The following DDX23 variants were observed in gnomAD, a reference collection of about 807,000 sequenced individuals.
DDX23 encodes probable ATP-dependent RNA helicase DDX23.
Under a neutral mutation model 102.7 loss-of-function variants are expected in DDX23, and 33 were observed. The ratio of observed to expected loss-of-function variants is 0.32; its 90% CI spans 0.24 to 0.43. DDX23 has a LOEUF of 0.43. Among genes scored for constraint, DDX23 ranks in the 20% least tolerant of loss-of-function variants. DDX23 has a pLI of 1.00. For missense variants in DDX23, 549 were observed against 1,086.6 expected, an observed-to-expected ratio of 0.51 and a Z score of 6.96; for synonymous variants, 352 against 376.0, an observed-to-expected ratio of 0.94 and a Z score of 0.74.
chr12:48,832,213 T>G lies in DDX23; in HGVS notation c.1956-27A>C. 1.2e-6 allele frequency: 2 copies of G among 1,611,076 alleles called. No individual in the cohort carries two copies. Among genetic ancestry groups the G allele is most frequent in the East Asian group, 2.2e-5 (1 of 44,862 alleles). On this transcript the variant is annotated intron_variant, in intron 14 of 16. Transcript: ENST00000308025. The surrounding 1 kb of genome is among the most constrained non-coding windows in gnomAD (Gnocchi z 4.4). ...TGGAAGGAAGAGGAGAAAAACAAGA[T>G]GCATAATACCTCCCACTCCAAGTGA...
chr12:48,844,001 T>C lies in DDX23; in HGVS notation c.259A>G (p.Lys87Glu). Residue 87 changes from lysine to glutamate, a missense_variant, in exon 3 of 17, where the codon AAG (lysine) becomes GAG (glutamate). This residue lies in a region of DDX23 where 241 missense variants were observed against 267.0 expected (regional missense o/e 0.90). Coordinates refer to ENST00000308025, the MANE Select transcript of DDX23 (RefSeq NM_004818.3). ...TCCTTGTCTCGATCTCGGTCCTTCT[T>C]ATTCCGATCCCGCTCCTTATCTCGT... The part of the protein sequence containing the change: ...RERDKERDRN[K>E]KDRDRDKDGH... 1 of 1,614,146 alleles carries C rather than the reference T, an allele frequency of 6.2e-7. No individual in the cohort carries two copies. The highest frequency in any genetic ancestry group is 8.5e-7 in the Non-Finnish European group (1 of 1,180,020).
rs375413325 is a variant in DDX23, at chr12:48,830,604, G to A, written c.2328C>T (p.Phe776=). The change falls in exon 17 of 17, where the codon TTC becomes TTT. Residue 776 remains phenylalanine, a synonymous_variant. Coordinates refer to ENST00000308025, the MANE Select transcript of DDX23 (RefSeq NM_004818.3). This position sits in a 1 kb window ranked among gnomAD's most constrained non-coding sequence, Gnocchi z 4.9. The part of the protein sequence containing the change: ...TFLTKEDSAV[F]YELKQAILES... ...CCAGGATAGCTTGCTTCAGCTCGTAGAACACAGCAGAGTCCTCTTTTGTGA... is the reference window on the plus strand; with the variant it reads ...CCAGGATAGCTTGCTTCAGCTCGTAAAACACAGCAGAGTCCTCTTTTGTGA... 41 of 1,614,038 alleles carry A rather than the reference G, an allele frequency of 2.5e-5. No individual in the cohort carries two copies. The highest frequency in any genetic ancestry group is 4.2e-6 in the Non-Finnish European group (5 of 1,180,030).
Position 48,837,540 on chromosome 12 carries a change from T to C in DDX23, c.737A>G (p.Glu246Gly). ...GGCCTGCACCTTAATGGCATGCAGT[T>C]CCTTGCTCTTATCCTTCTCTTCCCG... ...KIREEKDKSK[E>G]LHAIKERYLG... Residue 246 changes from glutamate to glycine, a missense_variant, in exon 7 of 17, where the codon GAA becomes GGA. Glu to Gly is a moderately conservative substitution (Grantham distance 98, BLOSUM62 -2). Transcript: ENST00000308025. 6.2e-7 allele frequency: 1 copy of C among 1,614,190 alleles called. No individual in the cohort carries two copies. The highest frequency in any genetic ancestry group is 1.3e-5 in the African/African-American group (1 of 75,052).
At chr12:48,835,264 T>TAATA (rs781116836) in intron 11 of DDX23, 66 of 177,630 alleles carry the variant, frequency 3.7e-4, no homozygotes, top group Admixed American at 3.2e-3. Context: ...AATAAATAAA[T>TAATA]AATAAATACA....
At position 48,830,206 on chromosome 12, in the gene DDX23, G is replaced by A. The variant is rs1212020201; in HGVS notation, c.*263C>T. 1 of 605,752 alleles carries A rather than the reference G, an allele frequency of 1.7e-6. No individual in the cohort carries two copies. Among genetic ancestry groups the A allele is most frequent in the Non-Finnish European group, 3.1e-6 (1 of 323,388 alleles). 37.5% of individuals were successfully genotyped at this position (605,752 alleles called of 1,614,324 possible). On this transcript the variant is annotated 3_prime_UTR_variant, in exon 17 of 17. Coordinates refer to ENST00000308025, the MANE Select transcript of DDX23 (RefSeq NM_004818.3). This position sits in a 1 kb window ranked among gnomAD's most constrained non-coding sequence, Gnocchi z 4.9. ...TAGCCTGGCATGAGCTGATGGCCCA[G>A]TGCAATCCCAAAGCAAAGAAGGGCA...
At chr12:48,837,888 T>G in intron 6 of DDX23, 54 bp downstream of exon 6, 1 of 1,609,606 alleles carries the variant, frequency 6.2e-7, no homozygotes, top group Non-Finnish European at 8.5e-7. Context: ...ACACTGTATC[T>G]CATCCCACTC....
chr12:48,832,878 A>T lies in DDX23; in HGVS notation c.1804-305T>A. On this transcript the variant is annotated intron_variant, in intron 13 of 16. Coordinates refer to ENST00000308025, the MANE Select transcript of DDX23 (RefSeq NM_004818.3). The surrounding 1 kb of genome is among the most constrained non-coding windows in gnomAD (Gnocchi z 4.4). ...GGCTAAGCTAAATGGCTCCACCCTT[A>T]GGACTGTCAGAGGACTGTACCTAGG... 1 of 469,954 alleles carries T rather than the reference A, an allele frequency of 2.1e-6. No individual in the cohort carries two copies. The highest frequency in any genetic ancestry group is 3.8e-6 in the Non-Finnish European group (1 of 261,414). The allele number at this position is 469,954 out of a possible 1,614,324, so 29.1% of individuals were successfully genotyped here.
chr12:48,848,187 G>A (rs1000607374), intron 1 of DDX23, among the ~76,000 whole-genome samples: 3 of 152,090 alleles, frequency 2.0e-5, no homozygotes, highest in South Asian at 4.1e-4. Flanking sequence ...TCGGGAGGCT[G>A]AGGCAGGAGA....
chr12:48,844,685 A>G (rs927820189), intron 2 of DDX23, among the ~76,000 whole-genome samples: 1 of 142,790 alleles, frequency 7.0e-6, no homozygotes, highest in Non-Finnish European at 1.5e-5. Flanking sequence ...GTTAGCCAGG[A>G]TGGTCTCGAT....
At position 48,830,455 on chromosome 12, in the gene DDX23, G is replaced by A. The variant is rs1938367980; in HGVS notation, c.*14C>T. The A allele has an allele frequency of 1.2e-6, 2 of 1,613,794 alleles. No individual in the cohort carries two copies. Among genetic ancestry groups the A allele is most frequent in the Middle Eastern group, 1.6e-4 (1 of 6,070 alleles). On this transcript the variant is annotated 3_prime_UTR_variant, in exon 17 of 17. Coordinates refer to ENST00000308025, the MANE Select transcript of DDX23 (RefSeq NM_004818.3). The surrounding 1 kb of genome is among the most constrained non-coding windows in gnomAD (Gnocchi z 4.9). ...GCTTTGGAGATGCCCTCAGCCCACA[G>A]GAAGAGTGCTGTGTCAGGCAAAGAT... is the stretch of plus-strand genomic sequence containing the variant.
Position 48,844,145 on chromosome 12 carries a change from T to C in DDX23, c.210-95A>G, listed in dbSNP as rs540887553. 1.0e-3 allele frequency: 1,190 copies of C among 1,138,380 alleles called. 17 individuals carry two copies. The South Asian group carries it at 0.015, about 14-fold the overall frequency. 70.5% of individuals were successfully genotyped at this position (1,138,380 alleles called of 1,614,324 possible). On this transcript the variant is annotated intron_variant, in intron 2 of 16. Coordinates refer to ENST00000308025, the MANE Select transcript of DDX23 (RefSeq NM_004818.3). ...AAGTTCCTATACTCTCGTCCCAAAG[T>C]AATGTTTTACAAATTAGAGAATGTA...
intron 3 of DDX23, among the ~76,000 whole-genome samples, chr12:48,843,085 G>A (rs1252416565): frequency 1.3e-5 from 2 of 149,880 alleles, no homozygotes; most frequent in Non-Finnish European, 3.0e-5. Flanking sequence ...TTGTTAAACA[G>A]ATGCTTGAAG....
Position 48,839,745 on chromosome 12 carries a change from G to C in DDX23, c.480+99C>G, listed in dbSNP as rs1451773237. ...TCCGCTCTCAGACTTCCAGCCTCCA[G>C]AACTGTGAGAAAATTAACTTCTGTC... On this transcript the variant is annotated intron_variant, in intron 5 of 16. Transcript: ENST00000308025. The C allele has an allele frequency of 3.0e-5, 38 of 1,256,206 alleles. No homozygotes were observed. In the East Asian group the frequency reaches 9.0e-4, roughly 30 times the overall value. 77.8% of individuals were successfully genotyped at this position (1,256,206 alleles called of 1,614,324 possible).
intron 11 of DDX23, chr12:48,835,046 AC>A (rs1938447516): frequency 6.3e-6 from 1 of 158,924 alleles, no homozygotes; most frequent in African/African-American, 2.4e-5. Flanking sequence ...GGAGTTTGAG[AC>A]CAGTCTAGGC....
At position 48,830,556 on chromosome 12, in the gene DDX23, G is replaced by T; in HGVS notation, c.2376C>A (p.Pro792=). 1.2e-6 allele frequency: 2 copies of T among 1,613,834 alleles called. No individual in the cohort carries two copies. Residue 792 remains proline (P), a synonymous_variant, in exon 17 of 17, where the codon CCC becomes CCA. Coordinates refer to ENST00000308025, the MANE Select transcript of DDX23 (RefSeq NM_004818.3). This position sits in a 1 kb window ranked among gnomAD's most constrained non-coding sequence, Gnocchi z 4.9. The stretch of plus-strand genomic sequence containing the variant: ...CATCTGGGTGGTTGGCTAGTTCGGG[G>T]GGACAGGAAGACACTGGGCTTTCCA... The part of the protein sequence containing the change: ...AILESPVSSC[P]PELANHPDAQ...
intron 1 of DDX23, among the ~76,000 whole-genome samples, chr12:48,846,064 A>G (rs1221322435): frequency 1.3e-5 from 2 of 152,166 alleles, no homozygotes; most frequent in Admixed American, 1.3e-4. Context: ...GCTGGAGTGC[A>G]GTGGTGCAAT....
At chr12:48,851,182 G>A (rs191648315) in intron 1 of DDX23, among the ~76,000 whole-genome samples, 28 of 152,284 alleles carry the variant, frequency 1.8e-4, no homozygotes, top group Admixed American at 1.7e-3. Context: ...AGAACAACAG[G>A]GTTATGAGGT....
In DDX23 at chr12:48,831,296, G is replaced by A. The variant is rs537809719; in HGVS notation, c.2085C>T (p.His695=). The change falls in exon 16 of 17, where the codon CAC becomes CAT. Residue 695 remains histidine (H), a synonymous_variant. Coordinates refer to ENST00000308025, the MANE Select transcript of DDX23 (RefSeq NM_004818.3). ...CTCGCTGCTCCTGGCCTTTTCCACC[G>A]TGCAGTGTGCAAGCATTGTACTGTT... ...EKMGYNACTL[H]GGKGQEQREF... 58 of 1,614,164 alleles carry A rather than the reference G, an allele frequency of 3.6e-5. No individual in the cohort carries two copies. Among genetic ancestry groups the A allele is most frequent in the African/African-American group, 6.7e-5 (5 of 75,038 alleles).
At chr12:48,838,578 G>A (rs1938499753) in intron 5 of DDX23, among the ~76,000 whole-genome samples, 1 of 151,606 alleles carries the variant, frequency 6.6e-6, no homozygotes, top group African/African-American at 2.4e-5. Flanking sequence ...GTGGCCGAGT[G>A]CGGTGGCTTG....
Sources: gnomAD v4.1 joint callset for allele counts (sites outside exome capture counted in the v4.1 genomes callset) on GRCh38, gnomAD v4.1.1 for gene constraint, gnomAD v4.1.1 regional missense constraint, Gnocchi (gnomAD v3.1) non-coding constraint, MANE v1.5 for transcripts, NCBI Gene and HGNC (gene_info 2026-07-23, HGNC 2026-07-21) for gene names.